Variants in ZBTB46 observed in about 807,000 individuals in gnomAD.
ZBTB46 encodes zinc finger and BTB domain containing 46, also known as zinc finger and BTB domain-containing protein 46.
In ZBTB46, 8 loss-of-function variants were observed where a neutral mutation model predicts 44.1. The ratio of observed to expected loss-of-function variants is 0.18; its 90% CI spans 0.11 to 0.33. The LOEUF is 0.33. ZBTB46 is among the 10% of genes least tolerant of loss of function. The pLI, the probability that ZBTB46 is intolerant of heterozygous loss-of-function variation, is 1.00. For missense variants in ZBTB46, 651 were observed against 847.7 expected (o/e 0.77, Z 2.88); for synonymous variants, 409 against 382.3 (o/e 1.07, Z -0.81).
In ZBTB46 at chr20:63,747,035, C is replaced by G; in HGVS notation, c.1665G>C (p.Leu555=). ...CCGCCAACAGCGCATCCTCAGGGGC[C>G]AGGCCCTCGTCGTCCTCGCCCAGCT... ...AEELGEDDEG[L]APEDALLADD... is the part of the protein sequence containing the mutation. Residue 555 remains leucine, a synonymous_variant, in exon 5 of 5, where the codon CTG becomes CTC. Transcript: ENST00000245663. The G allele has an allele frequency of 1.2e-6, 2 of 1,608,290 alleles. No homozygotes were observed. Among genetic ancestry groups the G allele is most frequent in the Non-Finnish European group, 1.7e-6 (2 of 1,179,478 alleles).
rs1041740954 is a variant in ZBTB46 at position 63,769,975 on chromosome 20, C to T, written c.1222+5703G>A. Among the ~76,000 whole-genome samples, 9 of 152,334 alleles carry T rather than the reference C, an allele frequency of 5.9e-5. No homozygotes were observed. The East Asian group carries it at 1.3e-3, about 23-fold the overall frequency. On this transcript the variant is annotated intron_variant, in intron 3 of 4. Coordinates refer to ENST00000245663, the MANE Select transcript of ZBTB46 (RefSeq NM_001369741.1). The stretch of plus-strand genomic sequence containing the variant: ...TAACGAGCTGGTCAGAAGCCGTCCC[C>T]GCAGGAAAGGACTGCAGGGAGCTGG...
At position 63,811,518 on chromosome 20, in the gene ZBTB46, G is replaced by C. The variant is rs553194639; in HGVS notation, c.-34+19579C>G. On this transcript the variant is annotated intron_variant, in intron 1 of 4. Coordinates refer to ENST00000245663, the MANE Select transcript of ZBTB46 (RefSeq NM_001369741.1). Reference sequence around the variant, plus strand: ...TGAAAGTATTTCCAGGAAGCCCACTGTGCTCATAGCCATAGGCAACGCAGA... The same window carrying C: ...TGAAAGTATTTCCAGGAAGCCCACTCTGCTCATAGCCATAGGCAACGCAGA... Among the ~76,000 whole-genome samples the C allele has an allele frequency of 1.1e-4, 17 of 152,324 alleles. No individual in the cohort carries two copies. In the East Asian group the frequency reaches 3.3e-3, roughly 29 times the overall value.
intron 1 of ZBTB46, among the ~76,000 whole-genome samples, chr20:63,791,125 C>A (rs1355093134): frequency 6.6e-6 from 1 of 152,174 alleles, no homozygotes; most frequent in Non-Finnish European, 1.5e-5. Context: ...CAACTCTTAC[C>A]CAAACTGAGA....
intron 2 of ZBTB46, among the ~76,000 whole-genome samples, chr20:63,785,663 C>T (rs2145909218): frequency 6.6e-6 from 1 of 152,338 alleles, no homozygotes; most frequent in Admixed American, 6.5e-5. Flanking sequence ...AACAAACTGA[C>T]CTCCATGGGA....
chr20:63,810,435 C>A (rs1247776387), intron 1 of ZBTB46, among the ~76,000 whole-genome samples: 2 of 152,082 alleles, frequency 1.3e-5, no homozygotes, highest in Non-Finnish European at 2.9e-5. Context: ...AGGATAGGCA[C>A]CAAAACCCCC....
At chr20:63,790,893 A>G in intron 1 of ZBTB46, 103 bp from the exon 2 acceptor site, 1 of 1,428,526 alleles carries the variant, frequency 7.0e-7, no homozygotes, top group Non-Finnish European at 9.2e-7. Context: ...GAGTGCGGCC[A>G]GTGGGAGGAC....
At chr20:63,831,306 G>GCC (rs1449790941), upstream of ZBTB46, 6 of 137,642 alleles carry the variant, frequency 4.4e-5, no homozygotes, top group African/African-American at 1.3e-4. Context: ...CGCCGCCCGC[G>GCC]CGCGCGCGCC....
intron 1 of ZBTB46, among the ~76,000 whole-genome samples, chr20:63,799,163 T>TA (rs915260285): frequency 6.6e-6 from 1 of 150,656 alleles, no homozygotes; most frequent in Non-Finnish European, 1.5e-5. Context: ...CCTGAGTAGC[T>TA]AGGACCACAG....
intron 2 of ZBTB46, among the ~76,000 whole-genome samples, chr20:63,782,450 AG>A (rs2145895952): frequency 6.6e-6 from 1 of 152,318 alleles, no homozygotes; most frequent in East Asian, 1.9e-4. Flanking sequence ...CTGGAGCTCC[AG>A]GGGATGCAGC....
chr20:63,758,399 G>A (rs533520136), intron 3 of ZBTB46, among the ~76,000 whole-genome samples: 6 of 151,824 alleles, frequency 4.0e-5, no homozygotes, highest in Non-Finnish European at 8.8e-5. Flanking sequence ...ACAAGGCTCC[G>A]GCCTGCATTT....
chr20:63,781,140 CAAAAAAAAAA>C (rs58102231), intron 2 of ZBTB46, among the ~76,000 whole-genome samples: 1 of 83,928 alleles, frequency 1.2e-5, no homozygotes, highest in Non-Finnish European at 2.1e-5. Context: ...GACTCTGCCT[CAAAAAAAAAA>C]AAAAAAAAAA....
chr20:63,749,011 G>A (rs533468427), intron 4 of ZBTB46, among the ~76,000 whole-genome samples: 18 of 152,340 alleles, frequency 1.2e-4, no homozygotes, highest in Middle Eastern at 3.4e-3. Flanking sequence ...TCCACAGGCC[G>A]ACAGGCCACC....
chr20:63,781,323 G>C (rs1053139291), intron 2 of ZBTB46, among the ~76,000 whole-genome samples: 1 of 152,122 alleles, frequency 6.6e-6, no homozygotes, highest in Non-Finnish European at 1.5e-5. Context: ...CCCAGATGTG[G>C]AGCAGGTGCC....
intron 2 of ZBTB46, among the ~76,000 whole-genome samples, chr20:63,783,745 G>A (rs371461871): frequency 9.2e-5 from 14 of 152,232 alleles, no homozygotes; most frequent in Admixed American, 3.9e-4. Context: ...GTGCGGAGCC[G>A]GACGCCCTTC....
intron 2 of ZBTB46, among the ~76,000 whole-genome samples, chr20:63,789,165 C>T (rs2092539709): frequency 6.6e-6 from 1 of 151,846 alleles, no homozygotes; most frequent in Non-Finnish European, 1.5e-5. Flanking sequence ...AGGAAACAAA[C>T]ATCGCCTGTT....
Position 63,766,966 on chromosome 20 carries a change from C to G in ZBTB46, c.1222+8712G>C, listed in dbSNP as rs184912519. Among the ~76,000 whole-genome samples the G allele has an allele frequency of 3.2e-3, 482 of 152,312 alleles. 2 individuals are homozygous for G. Among genetic ancestry groups the G allele is most frequent in the Non-Finnish European group, 5.0e-3 (337 of 68,018 alleles). On this transcript the variant is annotated intron_variant, in intron 3 of 4. Transcript: ENST00000245663. ...ATCTGGAATGGGGGATGCCTATCCC[C>G]CTCCTGAGCCCACCTGCTGCTCTGG...
intron 1 of ZBTB46, among the ~76,000 whole-genome samples, chr20:63,800,526 C>T (rs955979680): frequency 1.3e-5 from 2 of 152,352 alleles, no homozygotes; most frequent in East Asian, 1.9e-4. Flanking sequence ...TGGCCAAGGC[C>T]GGAGCCGGCT....
chr20:63,821,333 A>G (rs1293532985), intron 1 of ZBTB46, among the ~76,000 whole-genome samples: 2 of 148,530 alleles, frequency 1.3e-5, no homozygotes, highest in Non-Finnish European at 3.0e-5. Flanking sequence ...ATTATTTTTT[A>G]TTTTAGAGAG....
intron 1 of ZBTB46, among the ~76,000 whole-genome samples, chr20:63,806,419 A>C (rs543594610): frequency 0.011 from 1,609 of 145,782 alleles, 40 homozygotes; most frequent in African/African-American, 0.039. Flanking sequence ...AAAAAAAAAA[A>C]AAAAGAAAGA....
Sources: allele counts gnomAD v4.1 joint callset (sites outside exome capture counted in the v4.1 genomes callset), GRCh38; gene constraint gnomAD v4.1.1; transcripts MANE v1.5; gene names NCBI Gene and HGNC (gene_info 2026-07-23, HGNC 2026-07-21).